The following TENM3 variants were observed in gnomAD, a reference collection of about 807,000 sequenced individuals.
TENM3 encodes teneurin transmembrane protein 3.
A neutral mutation model predicts 255.1 loss-of-function variants in TENM3; 63 were observed. That is an observed-to-expected ratio of 0.25 (90% CI 0.20 to 0.30). The LOEUF (loss-of-function observed/expected upper bound fraction) is 0.30. TENM3 is among the 10% of genes least tolerant of loss of function. TENM3 has a pLI of 1.00. For missense variants in TENM3, 2,929 were observed against 3,461.1 expected (o/e 0.85, Z 3.86); for synonymous variants, 1,306 against 1,322.3 (o/e 0.99, Z 0.27).
At chr4:182,346,023 TC>T (rs759274531) in intron 2 of TENM3, among the ~76,000 whole-genome samples, 9 of 151,948 alleles carry the variant, frequency 5.9e-5, no homozygotes, top group Non-Finnish European at 1.0e-4. Context: ...GACGTTATAC[TC>T]CAACATTTAA....
At chr4:182,178,089 T>A (rs2149725737) in intron 1 of TENM3, among the ~76,000 whole-genome samples, 1 of 152,134 alleles carries the variant, frequency 6.6e-6, no homozygotes, top group Non-Finnish European at 1.5e-5. Flanking sequence ...AGGATTGGTA[T>A]TTTGTAATTA....
rs1221863212 is a variant in TENM3, at chr4:182,184,498, T to G, written c.-76+39744T>G. Among the ~76,000 whole-genome samples, 17 of 123,570 alleles carry G rather than the reference T, an allele frequency of 1.4e-4. No homozygotes were observed. The Admixed American group carries it at 1.6e-3, about 11-fold the overall frequency. 81.1% of individuals were successfully genotyped at this position (123,570 alleles called of 152,430 possible). A position where few individuals can be genotyped will look rare whatever the true frequency, so the allele number is the denominator to read the frequency against. On this transcript the variant is annotated intron_variant, in intron 1 of 2. Transcript: ENST00000512480. ...ATGAAGAGATGCATGGTTGAGTTTT[T>G]TTTTTTTTTTTTTTTGAGAAAAGGA...
chr4:182,693,338 T>TC (rs1302273851), intron 12 of TENM3, among the ~76,000 whole-genome samples: 23 of 151,954 alleles, frequency 1.5e-4, no homozygotes, highest in Non-Finnish European at 1.3e-4. Flanking sequence ...TTTTTTTTCT[T>TC]CTTTTTTTTT....
chr4:181,455,531 G>A, the TENM3 span, among the ~76,000 whole-genome samples: 15 of 152,088 alleles, frequency 9.9e-5, no homozygotes, highest in South Asian at 2.9e-3. Flanking sequence ...GTATTCAAGG[G>A]AATCACTTTT....
intron 3 of TENM3, among the ~76,000 whole-genome samples, chr4:182,459,501 A>G (rs1025647139): frequency 1.3e-5 from 2 of 152,178 alleles, no homozygotes; most frequent in South Asian, 2.1e-4. Context: ...TTAATGTGCA[A>G]TTGTTTGTTT....
chr4:181,492,609 C>T, the TENM3 span, among the ~76,000 whole-genome samples: 6 of 152,108 alleles, frequency 3.9e-5, no homozygotes, highest in Admixed American at 3.3e-4. Flanking sequence ...TGATTTCCAT[C>T]GTGAATATTT....
chr4:181,509,487 T>C, the TENM3 span, among the ~76,000 whole-genome samples: 1 of 152,124 alleles, frequency 6.6e-6, no homozygotes, highest in Non-Finnish European at 1.5e-5. Context: ...TGTCTCCTTG[T>C]CCCCTGCGAG....
chr4:182,496,808 G>A (rs1361519549), intron 3 of TENM3, among the ~76,000 whole-genome samples: 1 of 152,122 alleles, frequency 6.6e-6, no homozygotes. Flanking sequence ...AAATGAAGCC[G>A]TCCCTGGGAT....
At chr4:181,885,052 A>G in the TENM3 span, among the ~76,000 whole-genome samples, 25 of 152,166 alleles carry the variant, frequency 1.6e-4, no homozygotes, top group African/African-American at 5.8e-4. Context: ...AATTTTTCTT[A>G]ATTTTCTTCA....
Position 182,292,598 on chromosome 4 carries a change from C to T in TENM3, c.-75-31348C>T, listed in dbSNP as rs554814550. Among the ~76,000 whole-genome samples the T allele has an allele frequency of 1.4e-4, 21 of 152,260 alleles. 1 individual carries two copies. The highest frequency in any genetic ancestry group is 5.1e-4 in the African/African-American group (21 of 41,542). On this transcript the variant is annotated intron_variant, in intron 1 of 27. Transcript: ENST00000511685. ...CACAGTTCCTTTGAGATCACAGATC[C>T]GCATGGTCGCGTGGGTAAATGCTTC...
the TENM3 span, among the ~76,000 whole-genome samples, chr4:181,648,146 G>A: frequency 6.6e-6 from 1 of 152,038 alleles, no homozygotes; most frequent in Non-Finnish European, 1.5e-5. Context: ...TTGGAGACAG[G>A]GTAGCAGACT....
intron 4 of TENM3, among the ~76,000 whole-genome samples, chr4:182,619,968 C>CT (rs1749943677): frequency 6.6e-6 from 1 of 152,204 alleles, no homozygotes; most frequent in Admixed American, 6.5e-5. Context: ...CACAGGTTCA[C>CT]TTTTTTTCAT....
At chr4:181,906,052 T>C in the TENM3 span, 1 of 391,386 alleles carries the variant, frequency 2.6e-6, no homozygotes, top group Non-Finnish European at 5.0e-6. Flanking sequence ...TCTCTCAACA[T>C]CAGACTGTCC....
At chr4:181,778,061 G>GA in the TENM3 span, among the ~76,000 whole-genome samples, 3 of 151,840 alleles carry the variant, frequency 2.0e-5, no homozygotes, top group Non-Finnish European at 4.4e-5. Flanking sequence ...CAGAGGGAGA[G>GA]AAAAAAAATT....
At chr4:182,011,633 C>T in the TENM3 span, among the ~76,000 whole-genome samples, 2 of 152,226 alleles carry the variant, frequency 1.3e-5, no homozygotes, top group East Asian at 3.9e-4. Flanking sequence ...TCGGCAGCTT[C>T]ATTTCAAGCT....
upstream of TENM3, among the ~76,000 whole-genome samples, chr4:182,239,634 T>A (rs1757114374): frequency 6.6e-6 from 1 of 152,172 alleles, no homozygotes; most frequent in Admixed American, 6.5e-5. Flanking sequence ...AGAGTTTCCT[T>A]CTTGAAAGAG....
chr4:181,699,311 G>T, the TENM3 span, among the ~76,000 whole-genome samples: 1 of 151,578 alleles, frequency 6.6e-6, no homozygotes, highest in African/African-American at 2.4e-5. Flanking sequence ...CACATCTGTA[G>T]CCCTAGCTAC....
Position 182,796,787 on chromosome 4 carries a change from A to C in TENM3, c.7344+20A>C. On this transcript the variant is annotated intron_variant, in intron 27 of 27. Coordinates refer to ENST00000511685, the MANE Select transcript of TENM3 (RefSeq NM_001080477.4). ...ATACCGGTAAGAAACAAAAAGACCT[A>C]CGGAAAGGTGATAAGTAGCTTGTGT... 6.3e-7 allele frequency: 1 copy of C among 1,587,060 alleles called. No homozygotes were observed. The highest frequency in any genetic ancestry group is 8.6e-7 in the Non-Finnish European group (1 of 1,164,660).
At chr4:181,961,489 G>A in the TENM3 span, among the ~76,000 whole-genome samples, 3 of 152,094 alleles carry the variant, frequency 2.0e-5, no homozygotes, top group South Asian at 2.1e-4. Flanking sequence ...GTGCGATCTC[G>A]ACTCACTGCA....
Sources: gnomAD v4.1 joint callset for allele counts (sites outside exome capture counted in the v4.1 genomes callset) on GRCh38, gnomAD v4.1.1 for gene constraint, MANE v1.5 for transcripts, NCBI Gene and HGNC (gene_info 2026-07-23, HGNC 2026-07-21) for gene names.